RIMBP2: variants seen among roughly 807,000 people sequenced by gnomAD.
The protein encoded by RIMBP2 is RIMS binding protein 2, also known as RIMS-binding protein 2.
RIMBP2 carries 48 observed loss-of-function variants against 118.6 expected under a neutral mutation model. That is an observed-to-expected ratio of 0.40 (90% CI 0.32 to 0.51). The LOEUF (loss-of-function observed/expected upper bound fraction) is 0.51. Ranked by LOEUF, RIMBP2 falls within the 20% of genes least tolerant of loss-of-function variation. RIMBP2 has a pLI of 0.41. For missense variants in RIMBP2, 1,551 were observed against 1,768.3 expected (o/e 0.88, Z 2.20); for synonymous variants, 762 against 742.9 (o/e 1.03, Z -0.42).
At chr12:130,662,654 C>CA (rs539623749) in intron 1 of RIMBP2, among the ~76,000 whole-genome samples, 2,771 of 145,358 alleles carry the variant, frequency 0.019, 71 homozygotes, top group African/African-American at 0.063. Context: ...GACTCCGTCT[C>CA]AAAAAAAAAA....
At chr12:130,618,578 T>C (rs1188102788) in intron 2 of RIMBP2, among the ~76,000 whole-genome samples, 2 of 152,090 alleles carry the variant, frequency 1.3e-5, no homozygotes, top group African/African-American at 4.8e-5. Context: ...CCCTTTTGCC[T>C]AGTGCTGTGG....
chr12:130,599,386 A>C (rs1566339192), intron 2 of RIMBP2, among the ~76,000 whole-genome samples: 1 of 152,230 alleles, frequency 6.6e-6, no homozygotes. Flanking sequence ...GAGCGTATGC[A>C]GATTATACAA....
chr12:130,712,567 G>A (rs1422439741), intron 1 of RIMBP2, among the ~76,000 whole-genome samples: 1 of 152,130 alleles, frequency 6.6e-6, no homozygotes. Context: ...CTCCCACGAT[G>A]GCCATGCCTG....
intron 1 of RIMBP2, among the ~76,000 whole-genome samples, chr12:130,689,358 G>A (rs183309996): frequency 1.1e-4 from 17 of 152,138 alleles, no homozygotes; most frequent in African/African-American, 2.2e-4. Flanking sequence ...GCTTGAACCC[G>A]GGAGGCGGAG....
chr12:130,499,775 C>T (rs1261307714), intron 4 of RIMBP2, among the ~76,000 whole-genome samples: 1 of 152,192 alleles, frequency 6.6e-6, no homozygotes, highest in African/African-American at 2.4e-5. Flanking sequence ...CTCTTCGCCT[C>T]TTTTCACTTC....
intron 1 of RIMBP2, among the ~76,000 whole-genome samples, chr12:130,715,962 GC>G (rs1950300677): frequency 6.6e-6 from 1 of 152,128 alleles, no homozygotes; most frequent in African/African-American, 2.4e-5. Flanking sequence ...CCAGGAAGAA[GC>G]CCGTCAGCCC....
intron 1 of RIMBP2, among the ~76,000 whole-genome samples, chr12:130,662,666 T>A (rs1374403058): frequency 6.6e-6 from 1 of 150,708 alleles, no homozygotes; most frequent in Non-Finnish European, 1.5e-5. Flanking sequence ...AAAAAAAAAA[T>A]CTGGATAGGC....
chr12:130,538,029 C>G (rs2139485181), intron 2 of RIMBP2, among the ~76,000 whole-genome samples: 1 of 152,140 alleles, frequency 6.6e-6, no homozygotes, highest in Admixed American at 6.5e-5. Context: ...CTGACAAAAG[C>G]AAAATGCAGG....
At chr12:130,501,667 T>TA in intron 4 of RIMBP2, among the ~76,000 whole-genome samples, 1 of 152,362 alleles carries the variant, frequency 6.6e-6, no homozygotes, top group East Asian at 1.9e-4. Context: ...CTGGTTTAAA[T>TA]ACGACTTCGG....
intron 4 of RIMBP2, among the ~76,000 whole-genome samples, chr12:130,487,110 C>T (rs2082557290): frequency 6.6e-6 from 1 of 152,268 alleles, no homozygotes. Flanking sequence ...TTTTGCCACA[C>T]TGGCTTCGCT....
rs1167203659 is a variant in RIMBP2, at chr12:130,469,460, T to C, written c.153+1233A>G. On this transcript the variant is annotated intron_variant, in intron 6 of 22. Coordinates refer to ENST00000690449, the MANE Select transcript of RIMBP2 (RefSeq NM_001393629.1). The surrounding 1 kb of genome is among the most constrained non-coding windows in gnomAD (Gnocchi z 4.8). ...TGCCAGGAGACGATGCAAATTAAAG[T>C]GCGGTGGATAACTCAGGCCAGGGAA... Among the ~76,000 whole-genome samples the C allele has an allele frequency of 6.6e-6, 1 of 152,058 alleles. No homozygotes were observed. The highest frequency in any genetic ancestry group is 1.5e-5 in the Non-Finnish European group (1 of 68,010).
intron 2 of RIMBP2, among the ~76,000 whole-genome samples, chr12:130,518,416 A>G (rs1227765695): frequency 1.3e-5 from 2 of 152,228 alleles, no homozygotes; most frequent in Non-Finnish European, 2.9e-5. Context: ...AAAAATAGGC[A>G]GGGAGAATTA....
chr12:130,411,848 G>GTGAC (rs1555238820), intron 19 of RIMBP2, among the ~76,000 whole-genome samples: 9 of 151,678 alleles, frequency 5.9e-5, no homozygotes, highest in Non-Finnish European at 7.4e-5. Context: ...TTTTGATTTT[G>GTGAC]TGATTATCCT....
chr12:130,561,771 T>C (rs2056841108), intron 2 of RIMBP2, among the ~76,000 whole-genome samples: 1 of 152,136 alleles, frequency 6.6e-6, no homozygotes, highest in African/African-American at 2.4e-5. Flanking sequence ...CTAGCAAGGA[T>C]GGCTTTAGTT....
intron 17 of RIMBP2, among the ~76,000 whole-genome samples, chr12:130,415,450 T>A (rs1265572286): frequency 6.6e-6 from 1 of 152,222 alleles, no homozygotes; most frequent in East Asian, 1.9e-4. Context: ...AATATCATAT[T>A]GAACAGGCAA....
chr12:130,460,735 C>G (rs999590838), intron 6 of RIMBP2, among the ~76,000 whole-genome samples: 2 of 152,152 alleles, frequency 1.3e-5, no homozygotes, highest in African/African-American at 2.4e-5. Context: ...GAGTGGCAGC[C>G]AGCCACTGTC....
chr12:130,464,034 A>G (rs1397167004), intron 6 of RIMBP2, among the ~76,000 whole-genome samples: 2 of 152,180 alleles, frequency 1.3e-5, no homozygotes, highest in African/African-American at 4.8e-5. Context: ...GTTCCCCTAC[A>G]TGGCTTGAAA....
chr12:130,458,524 C>T (rs990066520), intron 6 of RIMBP2, among the ~76,000 whole-genome samples: 1 of 152,114 alleles, frequency 6.6e-6, no homozygotes, highest in Non-Finnish European at 1.5e-5. Context: ...AGGGTCCTGG[C>T]CAGGGAACAG....
rs1018044248 is a variant in RIMBP2 at position 130,649,271 on chromosome 12, G to A, written c.-351-20815C>T. Among the ~76,000 whole-genome samples, 66 of 150,940 alleles carry A rather than the reference G, an allele frequency of 4.4e-4. 7 individuals are homozygous for A. Among genetic ancestry groups the A allele is most frequent in the Non-Finnish European group, 8.9e-4 (60 of 67,368 alleles). The stretch of plus-strand genomic sequence containing the variant: ...GAATGTGGGGCTTGCTGCGACGTAC[G>A]TTTCTCTCCTCCTCAGCGGAGAGAT... On this transcript the variant is annotated intron_variant, in intron 1 of 22. Coordinates refer to ENST00000690449, the MANE Select transcript of RIMBP2 (RefSeq NM_001393629.1).
Sources: gnomAD v4.1 joint callset for allele counts (sites outside exome capture counted in the v4.1 genomes callset) on GRCh38, gnomAD v4.1.1 for gene constraint, Gnocchi (gnomAD v3.1) non-coding constraint, MANE v1.5 for transcripts, NCBI Gene and HGNC (gene_info 2026-07-23, HGNC 2026-07-21) for gene names.